Variants in BCORL1 observed in about 807,000 individuals in gnomAD.
BCORL1 encodes the protein BCL6 corepressor like 1.
In BCORL1, 7 loss-of-function variants were observed where a neutral mutation model predicts 87.6. The ratio of observed to expected loss-of-function variants is 0.08; its 90% CI spans 0.05 to 0.15. The LOEUF is 0.15. Among genes scored for constraint, BCORL1 ranks in the 10% least tolerant of loss-of-function variants. BCORL1 has a pLI of 1.00. For missense variants in BCORL1, 1,215 were observed against 1,499.7 expected (o/e 0.81, Z 3.13); for synonymous variants, 591 against 634.4 (o/e 0.93, Z 1.03).
At chrX:130,043,222 G>T (rs1379990966) in intron 11 of BCORL1, among the ~76,000 whole-genome samples, 2 of 109,966 alleles carry the variant, frequency 1.8e-5, no homozygotes, top group Admixed American at 1.9e-4. Context: ...ATAGAGGTAG[G>T]TTTCACCATG....
chrX:130,007,438 G>A (rs2124414482), intron 2 of BCORL1, among the ~76,000 whole-genome samples: 1 of 112,621 alleles, frequency 8.9e-6, no homozygotes, highest in African/African-American at 3.2e-5. Context: ...TTCATTGGCA[G>A]GTCATGTTGA....
chrX:130,024,880 C>A (rs1304688368), intron 6 of BCORL1, 110 bp from the exon 7 acceptor site: 1 of 1,052,191 alleles, frequency 9.5e-7, no homozygotes, highest in East Asian at 3.0e-5. Context: ...ACTGGCAGAG[C>A]CTGAACTTGA....
intron 1 of BCORL1, among the ~76,000 whole-genome samples, chrX:129,998,956 G>T (rs767565960): frequency 9.0e-6 from 1 of 111,551 alleles, no homozygotes; most frequent in African/African-American, 3.3e-5. Context: ...TGAGGATCTT[G>T]TGAAAATGGA....
Position 130,014,922 on chromosome X carries a change from A to G in BCORL1, c.2150A>G (p.Tyr717Cys), listed in dbSNP as rs2124449002. The G allele has an allele frequency of 8.3e-7, 1 of 1,211,377 alleles. No homozygotes were observed. The highest frequency in any genetic ancestry group is 1.1e-6 in the Non-Finnish European group (1 of 895,322). The stretch of plus-strand genomic sequence containing the variant: ...CTGATCAGCACCATTCCTGGCACCT[A>G]CGTGGGAGTGGCCAACCCAGTGCCT... ...TALISTIPGT[Y>C]VGVANPVPAS... The change falls in exon 4 of 14, where the codon TAC (tyrosine) becomes TGC (cysteine). Residue 717 changes from tyrosine (Y) to cysteine (C), a missense_variant. This residue lies in a region of BCORL1 where 861 missense variants were observed against 1,010.0 expected (regional missense o/e 0.85). Transcript: ENST00000540052.
intron 11 of BCORL1, among the ~76,000 whole-genome samples, chrX:130,047,046 T>G (rs1415627273): frequency 2.7e-5 from 3 of 111,027 alleles, no homozygotes; most frequent in Non-Finnish European, 5.7e-5. Flanking sequence ...AATACTGTTT[T>G]CAAGGTCTAG....
chrX:129,998,991 C>T (rs920143346), intron 1 of BCORL1, among the ~76,000 whole-genome samples: 1 of 109,845 alleles, frequency 9.1e-6, no homozygotes, highest in Non-Finnish European at 1.9e-5. Flanking sequence ...GCGTTGCTCT[C>T]TACGTGGTCA....
rs1431809650 is a variant in BCORL1 at position 130,025,020 on chromosome X, C to A, written c.3719C>A (p.Ala1240Glu). 8.3e-7 allele frequency: 1 copy of A among 1,211,352 alleles called. No homozygotes were observed. Residue 1240 changes from alanine (A) to glutamate (E), a missense_variant, in exon 7 of 14, where the codon GCA (alanine) becomes GAA (glutamate). Around this residue, in one of 5 missense-constraint regions of BCORL1, gnomAD observed 166 missense variants for 196.5 expected, o/e 0.84. Transcript: ENST00000540052. ...GSICSSFAGM[A>E]DSDMGSQEVF... The stretch of plus-strand genomic sequence containing the variant: ...ATCTGTAGCTCCTTTGCTGGCATGG[C>A]AGACAGTGACATGGGAAGCCAGGAA...
rs750069944 is a variant in BCORL1 at position 130,025,191 on chromosome X, G to A, written c.3890G>A (p.Arg1297Gln). ...LLSQGRRHLW[R>Q]AREMPWRTEA... The stretch of plus-strand genomic sequence containing the variant: ...AGCCAGGGCCGAAGGCACCTGTGGC[G>A]AGCCCGAGAAATGCCCTGGAGGACA... Residue 1297 changes from arginine to glutamine, a missense_variant, in exon 7 of 14, where the codon CGA (arginine) becomes CAA (glutamine). Arg to Gln is a conservative substitution (Grantham distance 43). Coordinates refer to ENST00000540052, the MANE Select transcript of BCORL1 (RefSeq NM_001379451.1). 23 of 1,210,072 alleles carry A rather than the reference G, an allele frequency of 1.9e-5. No homozygotes were observed. Among genetic ancestry groups the A allele is most frequent in the Non-Finnish European group, 2.3e-5 (21 of 895,170 alleles).
intron 11 of BCORL1, 42 bp downstream of exon 11, chrX:130,039,324 G>A (rs1164970346): frequency 7.5e-6 from 9 of 1,193,930 alleles, no homozygotes; most frequent in Non-Finnish European, 1.0e-5. Context: ...CTTGGGGCCA[G>A]CCTCTGATTC....
At chrX:129,983,430 G>C (rs893880793) in intron 1 of BCORL1, among the ~76,000 whole-genome samples, 2 of 99,327 alleles carry the variant, frequency 2.0e-5, no homozygotes, top group African/African-American at 7.3e-5. Context: ...TTTTTTTGGG[G>C]GGGGGGGGTG....
chrX:130,026,754 A>G (rs1930270664), intron 7 of BCORL1, among the ~76,000 whole-genome samples: 1 of 112,772 alleles, frequency 8.9e-6, no homozygotes, highest in South Asian at 3.6e-4. Flanking sequence ...AACACCACCA[A>G]TCAAGGCATC....
At chrX:130,040,705 C>T (rs1931253953) in intron 11 of BCORL1, among the ~76,000 whole-genome samples, 2 of 112,517 alleles carry the variant, frequency 1.8e-5, no homozygotes, top group Admixed American at 1.9e-4. Context: ...GCTGAACCAT[C>T]CCTAGGGGTG....
intron 1 of BCORL1, among the ~76,000 whole-genome samples, chrX:129,989,902 C>T (rs1401926722): frequency 9.0e-6 from 1 of 110,651 alleles, no homozygotes; most frequent in African/African-American, 3.3e-5. Context: ...TCTCGTGCCT[C>T]AGCCTCTCGA....
intron 9 of BCORL1, among the ~76,000 whole-genome samples, chrX:130,037,002 C>T (rs746227637): frequency 5.0e-4 from 56 of 111,869 alleles, no homozygotes; most frequent in South Asian, 2.2e-3. Flanking sequence ...GAAAATTAGC[C>T]AGGCGTGGTG....
chrX:130,037,582 C>T, intron 10 of BCORL1, 49 bp downstream of exon 10: 2 of 1,156,056 alleles, frequency 1.7e-6, no homozygotes, highest in Non-Finnish European at 2.3e-6. Flanking sequence ...CCCAGCTCAG[C>T]CTCTCACTCA....
intron 4 of BCORL1, among the ~76,000 whole-genome samples, chrX:130,019,662 C>G (rs918863325): frequency 3.6e-5 from 4 of 111,713 alleles, no homozygotes; most frequent in Non-Finnish European, 7.5e-5. Context: ...AATTAGGAGG[C>G]CCCAGCCCCC....
intron 2 of BCORL1, chrX:130,010,766 G>A (rs1378683195): frequency 9.1e-6 from 1 of 109,854 alleles, no homozygotes; most frequent in Non-Finnish European, 1.9e-5. Flanking sequence ...CCTTTGGCTA[G>A]GGTGACTGGG....
At chrX:129,984,990 A>G (rs1309492728) in intron 1 of BCORL1, among the ~76,000 whole-genome samples, 1 of 110,984 alleles carries the variant, frequency 9.0e-6, no homozygotes, top group African/African-American at 3.3e-5. Context: ...TAGTGTGGGA[A>G]GGGGGCCCGG....
chrX:130,054,811 T>C (rs922913820), intron 13 of BCORL1, among the ~76,000 whole-genome samples: 2 of 110,927 alleles, frequency 1.8e-5, no homozygotes, highest in Admixed American at 1.9e-4. Context: ...CTCAGGAGGC[T>C]GAGACAGGAG....
Sources: allele counts gnomAD v4.1 joint callset (sites outside exome capture counted in the v4.1 genomes callset), GRCh38; gene constraint gnomAD v4.1.1; regional missense constraint gnomAD v4.1.1; transcripts MANE v1.5; gene names NCBI Gene and HGNC (gene_info 2026-07-23, HGNC 2026-07-21).